The following MIPOL1 variants were observed in gnomAD, a reference collection of about 807,000 sequenced individuals.
The protein encoded by MIPOL1 is mirror-image polydactyly 1.
A neutral mutation model predicts 60.9 loss-of-function variants in MIPOL1; 57 were observed. That is an observed-to-expected ratio of 0.94 (90% CI 0.76 to 1.17). The LOEUF is 1.17. Ranked by LOEUF, MIPOL1 falls within the 50% of genes most tolerant of loss-of-function variation. The pLI, the probability that MIPOL1 is intolerant of heterozygous loss-of-function variation, is 0.00. For synonymous variants in MIPOL1, 179 were observed against 168.8 expected (o/e 1.06, Z -0.47); for missense variants, 551 against 511.6 (o/e 1.08, Z -0.74).
chr14:37,335,269 TA>T (rs940519000), intron 9 of MIPOL1, among the ~76,000 whole-genome samples: 1 of 152,104 alleles, frequency 6.6e-6, no homozygotes, highest in African/African-American at 2.4e-5. Context: ...TAAATATACA[TA>T]ACATAAATAT....
chr14:37,271,981 C>G (rs992564662), intron 6 of MIPOL1, among the ~76,000 whole-genome samples: 1 of 151,348 alleles, frequency 6.6e-6, no homozygotes, highest in Admixed American at 6.6e-5. Flanking sequence ...TAAGCAGATA[C>G]TTTACATATT....
intron 7 of MIPOL1, among the ~76,000 whole-genome samples, chr14:37,292,338 G>T (rs1328952886): frequency 1.3e-5 from 2 of 151,728 alleles, no homozygotes; most frequent in African/African-American, 4.8e-5. Flanking sequence ...TGCATGTTTT[G>T]TGTTGTATTT....
At chr14:37,299,489 C>G (rs2086167449) in intron 7 of MIPOL1, among the ~76,000 whole-genome samples, 1 of 152,000 alleles carries the variant, frequency 6.6e-6, no homozygotes, top group Admixed American at 6.6e-5. Context: ...ATCCTACTTT[C>G]TTTACCATTT....
At position 37,426,610 on chromosome 14, in the gene MIPOL1, TATATA is replaced by T. The variant is rs534038682; in HGVS notation, c.1031+3666_1031+3670del. 2.5e-3 allele frequency among the ~76,000 whole-genome samples: 305 copies of T among 120,690 alleles called. 3 individuals carry two copies. Among genetic ancestry groups the T allele is most frequent in the African/African-American group, 8.4e-3 (284 of 33,912 alleles). The allele number at this position is 120,690 out of a possible 152,430, so 79.2% of individuals were successfully genotyped here. Reference sequence around the variant, plus strand: ...ATATATATATACACACACACATACATATATAATATGTATATATGTATATATATATA... The same window carrying T: ...ATATATATATACACACACACATACATATATGTATATATGTATATATATATA... On this transcript the variant is annotated intron_variant, in intron 11 of 12. Coordinates refer to ENST00000684589, the MANE Select transcript of MIPOL1 (RefSeq NM_001388067.1).
In MIPOL1 at chr14:37,547,806, G is replaced by GT. The variant is rs2095551989; in HGVS notation, c.*838dup. ...ATCAAACCTATTAAGTATTCTTATT[G>GT]TTTATCTTTTTTTAATTGCCATTTG... On this transcript the variant is annotated 3_prime_UTR_variant, in exon 13 of 13. Transcript: ENST00000684589. 2.0e-5 allele frequency: 3 copies of GT among 151,790 alleles called. No individual in the cohort carries two copies. The highest frequency in any genetic ancestry group is 2.0e-4 in the Admixed American group (3 of 15,234). The allele number at this position is 151,790 out of a possible 1,614,324, so 9.4% of individuals were successfully genotyped here.
At chr14:37,227,647 T>A (rs759530582) in intron 1 of MIPOL1, 1 of 152,242 alleles carries the variant, frequency 6.6e-6, no homozygotes, top group Non-Finnish European at 1.5e-5. Context: ...TGGCAATCTC[T>A]TTAAGTTGTG....
chr14:37,212,762 G>A (rs1371968725), intron 1 of MIPOL1, among the ~76,000 whole-genome samples: 3 of 152,142 alleles, frequency 2.0e-5, no homozygotes, highest in Non-Finnish European at 4.4e-5. Context: ...GGCTTTGGGC[G>A]AGATCTAATG....
Position 37,547,031 on chromosome 14 carries a change from A to C in MIPOL1, c.*60A>C. The stretch of plus-strand genomic sequence containing the variant: ...ATCTGGTGACCAGGCTGCTTCATTC[A>C]ACACTGTGTAAACACCAAAGCCTTA... On this transcript the variant is annotated 3_prime_UTR_variant, in exon 13 of 13. Transcript: ENST00000684589. The C allele has an allele frequency of 1.4e-6, 2 of 1,428,088 alleles. No homozygotes were observed. Among genetic ancestry groups the C allele is most frequent in the Non-Finnish European group, 2.0e-6 (2 of 1,013,702 alleles). The allele number at this position is 1,428,088 out of a possible 1,614,324, so 88.5% of individuals were successfully genotyped here. A position where few individuals can be genotyped will look rare whatever the true frequency, so the allele number is the denominator to read the frequency against.
chr14:37,205,661 C>CCCTGTGT (rs1440653834), intron 1 of MIPOL1, among the ~76,000 whole-genome samples: 9 of 152,192 alleles, frequency 5.9e-5, no homozygotes, highest in Non-Finnish European at 5.9e-5. Context: ...ATGTTGCCTA[C>CCCTGTGT]CCTGTGTCCA....
chr14:37,305,510 G>T (rs1227362097), intron 7 of MIPOL1, among the ~76,000 whole-genome samples: 2 of 151,722 alleles, frequency 1.3e-5, no homozygotes. Context: ...CTATGGTAAA[G>T]CCTAAAATAA....
chr14:37,280,445 A>T (rs182825685), intron 6 of MIPOL1, among the ~76,000 whole-genome samples: 162 of 152,274 alleles, frequency 1.1e-3, no homozygotes, highest in African/African-American at 3.8e-3. Flanking sequence ...AACATTGTGT[A>T]ATGGTTTGCT....
chr14:37,516,145 G>A (rs547513018), intron 12 of MIPOL1, among the ~76,000 whole-genome samples: 133 of 152,154 alleles, frequency 8.7e-4, no homozygotes, highest in Non-Finnish European at 1.4e-3. Flanking sequence ...TTATAAAATG[G>A]CACTTTGGTG....
chr14:37,432,676 C>T (rs1438761579), intron 11 of MIPOL1, among the ~76,000 whole-genome samples: 2 of 151,406 alleles, frequency 1.3e-5, no homozygotes, highest in Non-Finnish European at 2.9e-5. Flanking sequence ...TTGGATTTTA[C>T]CTTTCTTAAA....
intron 12 of MIPOL1, among the ~76,000 whole-genome samples, chr14:37,517,043 A>G (rs1334038773): frequency 6.6e-6 from 1 of 152,144 alleles, no homozygotes; most frequent in Admixed American, 6.5e-5. Context: ...GTTAAAGGGG[A>G]GGCAACTTAG....
intron 9 of MIPOL1, among the ~76,000 whole-genome samples, chr14:37,360,447 C>G (rs564745945): frequency 6.6e-6 from 1 of 152,104 alleles, no homozygotes; most frequent in Non-Finnish European, 1.5e-5. Flanking sequence ...CCATCTAGTC[C>G]TGGACTTTTT....
chr14:37,271,783 C>T (rs1276606184), intron 6 of MIPOL1, among the ~76,000 whole-genome samples: 1 of 151,582 alleles, frequency 6.6e-6, no homozygotes, highest in African/African-American at 2.4e-5. Context: ...GATACTCTTA[C>T]AAGAATTTTG....
chr14:37,363,944 C>T (rs1039160703), intron 9 of MIPOL1, among the ~76,000 whole-genome samples: 7 of 152,184 alleles, frequency 4.6e-5, no homozygotes, highest in African/African-American at 1.4e-4. Flanking sequence ...CCGAGCCAGG[C>T]GTGGGAGAAA....
At chr14:37,198,815 C>T (rs935133704) in intron 1 of MIPOL1, among the ~76,000 whole-genome samples, 3 of 152,130 alleles carry the variant, frequency 2.0e-5, no homozygotes, top group African/African-American at 7.2e-5. Flanking sequence ...CCAAACAAAA[C>T]TACATTTCAA....
At chr14:37,552,114 T>C (rs2095562739), downstream of MIPOL1, 1 of 152,066 alleles carries the variant, frequency 6.6e-6, no homozygotes, top group South Asian at 2.1e-4. Flanking sequence ...TTAGAGTACA[T>C]GACTAAAAGA....
Sources: gnomAD v4.1 joint callset for allele counts (sites outside exome capture counted in the v4.1 genomes callset) on GRCh38, gnomAD v4.1.1 for gene constraint, MANE v1.5 for transcripts, NCBI Gene and HGNC (gene_info 2026-07-23, HGNC 2026-07-21) for gene names.